Variants in SYNRG observed in about 807,000 individuals in gnomAD.
SYNRG encodes the protein AP1 gamma subunit binding protein 1.
Under a neutral mutation model 130.9 loss-of-function variants are expected in SYNRG, and 37 were observed. That is an observed-to-expected ratio of 0.28 (90% CI 0.22 to 0.37). The LOEUF is 0.37. Ranked by LOEUF, SYNRG falls within the 10% of genes least tolerant of loss-of-function variation. The probability of loss-of-function intolerance (pLI) is 1.00; values close to 1 mark genes in which losing one functional copy is unlikely to be tolerated. For synonymous variants in SYNRG, 539 were observed against 568.1 expected (o/e 0.95, Z 0.73); for missense variants, 1,338 against 1,588.9 (o/e 0.84, Z 2.68).
Position 37,518,881 on chromosome 17 carries a change from C to G in SYNRG, c.*59G>C. 1 of 1,585,234 alleles carries G rather than the reference C, an allele frequency of 6.3e-7. No homozygotes were observed. The highest frequency in any genetic ancestry group is 8.6e-7 in the Non-Finnish European group (1 of 1,164,180). Reference sequence around the variant, plus strand: ...AGTGCTCGCATTCTATTTATTGGTCCCTGTCACCCCGTGGGGTGTCACAGA... The same window carrying G: ...AGTGCTCGCATTCTATTTATTGGTCGCTGTCACCCCGTGGGGTGTCACAGA... On this transcript the variant is annotated 3_prime_UTR_variant, in exon 22 of 22. Transcript: ENST00000612223.
At chr17:37,580,682 G>C (rs1262721995) in intron 6 of SYNRG, among the ~76,000 whole-genome samples, 1 of 152,038 alleles carries the variant, frequency 6.6e-6, no homozygotes, top group Non-Finnish European at 1.5e-5. Context: ...CTACAGGTGC[G>C]TGCCACCACA....
At chr17:37,544,007 T>C (rs546505434) in intron 14 of SYNRG, among the ~76,000 whole-genome samples, 29 of 152,388 alleles carry the variant, frequency 1.9e-4, no homozygotes, top group African/African-American at 7.0e-4. Flanking sequence ...GTGAACCAAC[T>C]TGGAGTCATT....
intron 6 of SYNRG, among the ~76,000 whole-genome samples, chr17:37,580,478 C>CATGTGTGTGT (rs1555780109): frequency 8.9e-4 from 108 of 121,996 alleles, no homozygotes; most frequent in African/African-American, 3.5e-3. Flanking sequence ...CTTTGTATTT[C>CATGTGTGTGT]GTGTGTGTGT....
At chr17:37,559,271 ATCAAG>A (rs1376077539) in intron 13 of SYNRG, among the ~76,000 whole-genome samples, 6 of 152,192 alleles carry the variant, frequency 3.9e-5, no homozygotes, top group African/African-American at 7.2e-5. Flanking sequence ...CTATGCCTTA[ATCAAG>A]TCATTTTTAA....
At chr17:37,606,185 C>A (rs955525693) in intron 1 of SYNRG, among the ~76,000 whole-genome samples, 2 of 152,184 alleles carry the variant, frequency 1.3e-5, no homozygotes, top group African/African-American at 2.4e-5. Context: ...CCACAGTCAT[C>A]TGGCACTGCA....
At chr17:37,525,401 G>T (rs1383693042) in intron 19 of SYNRG, among the ~76,000 whole-genome samples, 1 of 152,166 alleles carries the variant, frequency 6.6e-6, no homozygotes, top group Non-Finnish European at 1.5e-5. Flanking sequence ...CCTTATTAAG[G>T]AAGAAGAGTT....
intron 14 of SYNRG, among the ~76,000 whole-genome samples, chr17:37,545,230 A>T (rs938216149): frequency 4.0e-5 from 6 of 149,848 alleles, no homozygotes; most frequent in Non-Finnish European, 8.9e-5. Flanking sequence ...AAAAAAAAAA[A>T]ATAATAATAA....
At chr17:37,592,571 T>C (rs895603912) in intron 3 of SYNRG, among the ~76,000 whole-genome samples, 1 of 152,190 alleles carries the variant, frequency 6.6e-6, no homozygotes, top group Non-Finnish European at 1.5e-5. Context: ...ATCCACACCA[T>C]GGACTATTAC....
At chr17:37,555,250 C>T (rs1251241231) in intron 13 of SYNRG, among the ~76,000 whole-genome samples, 1 of 152,094 alleles carries the variant, frequency 6.6e-6, no homozygotes, top group Non-Finnish European at 1.5e-5. Context: ...CCTCAGCCTC[C>T]CAAGTAGCTG....
At chr17:37,552,157 T>TC (rs2058757001) in intron 14 of SYNRG, among the ~76,000 whole-genome samples, 1 of 152,130 alleles carries the variant, frequency 6.6e-6, no homozygotes, top group Non-Finnish European at 1.5e-5. Context: ...GTCTCACGTG[T>TC]CCCCCCTAGT....
intron 6 of SYNRG, among the ~76,000 whole-genome samples, chr17:37,578,812 A>G (rs1166922041): frequency 6.6e-6 from 1 of 152,226 alleles, no homozygotes; most frequent in Non-Finnish European, 1.5e-5. Flanking sequence ...AGCCTTTCCT[A>G]GCTCCTTATT....
chr17:37,561,278 G>A (rs1368425509), intron 12 of SYNRG, 21 bp from the exon 13 acceptor site: 2 of 1,610,238 alleles, frequency 1.2e-6, no homozygotes, highest in East Asian at 2.2e-5. Flanking sequence ...AAGGACAGAA[G>A]CTCAGTTAAG....
intron 1 of SYNRG, among the ~76,000 whole-genome samples, chr17:37,602,023 T>A (rs1270677774): frequency 6.6e-6 from 1 of 150,978 alleles, no homozygotes; most frequent in Non-Finnish European, 1.5e-5. Context: ...CTCAAATAAA[T>A]AAATAAATAA....
In SYNRG at chr17:37,602,381, A is replaced by G. The variant is rs192559315; in HGVS notation, c.78-1978T>C. ...AGCTCTGGTTGTAGATGAAATAGCC[A>G]AGGGCATATATCCAGTAACAAAACA... On this transcript the variant is annotated intron_variant, in intron 1 of 21. Transcript: ENST00000612223. 3.2e-4 allele frequency among the ~76,000 whole-genome samples: 48 copies of G among 152,284 alleles called. No homozygotes were observed. The East Asian group carries it at 9.1e-3, about 29-fold the overall frequency.
chr17:37,540,529 T>A lies in SYNRG; in HGVS notation c.3217A>T (p.Ser1073Cys), dbSNP rs1251916446. The A allele has an allele frequency of 6.2e-7, 1 of 1,613,668 alleles. No individual in the cohort carries two copies. The highest frequency in any genetic ancestry group is 8.5e-7 in the Non-Finnish European group (1 of 1,179,958). Residue 1073 changes from serine to cysteine, a missense_variant, in exon 16 of 22, where the codon AGT becomes TGT. This residue lies in a region of SYNRG where 1,146 missense variants were observed against 1,342.3 expected (regional missense o/e 0.85). Transcript: ENST00000612223. Reference sequence around the variant, plus strand: ...ATTTCTTTATCACCAAGGCTCAAACTCCTCTTGTGTGATCCTGGGAGAAGG... The same window carrying A: ...ATTTCTTTATCACCAAGGCTCAAACACCTCTTGTGTGATCCTGGGAGAAGG... Reference protein sequence around the residue: ...DLSVQGSHKRSLSLGDKEISR... With the variant: ...DLSVQGSHKRCLSLGDKEISR...
chr17:37,554,129 A>C, intron 13 of SYNRG, 70 bp from the exon 14 acceptor site: 2 of 1,383,324 alleles, frequency 1.4e-6, no homozygotes, highest in Non-Finnish European at 2.0e-6. Flanking sequence ...CAGTATATTA[A>C]ACTGCAAGCA....
rs917786909 is a variant in SYNRG, at chr17:37,517,130, C to T, written c.*1810G>A. The T allele has an allele frequency of 2.6e-5, 4 of 152,524 alleles. No individual in the cohort carries two copies. The highest frequency in any genetic ancestry group is 4.4e-5 in the Non-Finnish European group (3 of 68,334). 9.4% of individuals were successfully genotyped at this position (152,524 alleles called of 1,614,324 possible). A position where few individuals can be genotyped will look rare whatever the true frequency, so the allele number is the denominator to read the frequency against. ...TCACGAGGCTGAGGCAGGAGAATCGCTTGAACCCGGGAGGCGGAGGTTGCA... is the reference window on the plus strand; with the variant it reads ...TCACGAGGCTGAGGCAGGAGAATCGTTTGAACCCGGGAGGCGGAGGTTGCA... On this transcript the variant is annotated 3_prime_UTR_variant, in exon 22 of 22. Transcript: ENST00000612223.
chr17:37,541,940 C>A, intron 15 of SYNRG, 32 bp downstream of exon 15: 2 of 1,579,220 alleles, frequency 1.3e-6, no homozygotes, highest in South Asian at 1.1e-5. Context: ...AAAAAAACCA[C>A]AATAGTAAAA....
intron 20 of SYNRG, 67 bp from the exon 21 acceptor site, chr17:37,520,281 T>C (rs1370225452): frequency 6.3e-7 from 1 of 1,599,530 alleles, no homozygotes. Context: ...TCCAAACACA[T>C]CTTTACAGGT....
Sources: allele counts gnomAD v4.1 joint callset (sites outside exome capture counted in the v4.1 genomes callset), GRCh38; gene constraint gnomAD v4.1.1; regional missense constraint gnomAD v4.1.1; transcripts MANE v1.5; gene names NCBI Gene and HGNC (gene_info 2026-07-23, HGNC 2026-07-21).